MICALL1: variants seen among roughly 807,000 people sequenced by gnomAD.
MICALL1 encodes MICAL like 1, also known as MICAL-like protein 1.
Under a neutral mutation model 83.7 loss-of-function variants are expected in MICALL1, and 61 were observed. The ratio of observed to expected loss-of-function variants is 0.73; its 90% CI spans 0.59 to 0.90. The LOEUF (loss-of-function observed/expected upper bound fraction) is 0.90, where lower values mean the gene tolerates loss of function less well. MICALL1 is among the 40% of genes least tolerant of loss of function. The probability of loss-of-function intolerance (pLI) is 0.00; values close to 1 mark genes in which losing one functional copy is unlikely to be tolerated. For missense variants in MICALL1, 1,066 were observed against 1,152.0 expected (o/e 0.93, Z 1.08); for synonymous variants, 481 against 473.6 (o/e 1.02, Z -0.20).
chr22:37,914,951 T>A (rs1376110578), intron 3 of MICALL1, among the ~76,000 whole-genome samples: 1 of 146,210 alleles, frequency 6.8e-6, no homozygotes, highest in Non-Finnish European at 1.5e-5. Context: ...CATAAATAAA[T>A]AACTTTAGGA....
intron 3 of MICALL1, among the ~76,000 whole-genome samples, chr22:37,914,982 G>A (rs1023253968): frequency 3.3e-5 from 5 of 150,804 alleles, no homozygotes; most frequent in African/African-American, 4.9e-5. Context: ...AAATAGCCGG[G>A]TGAAGTGGCT....
At chr22:37,933,006 A>C in intron 12 of MICALL1, 33 bp from the exon 13 acceptor site, 1 of 1,613,880 alleles carries the variant, frequency 6.2e-7, no homozygotes, top group Non-Finnish European at 8.5e-7. Context: ...GCTCGGGCAG[A>C]ATTGTTAAGA....
At chr22:37,921,047 T>C (rs1415654501) in intron 5 of MICALL1, among the ~76,000 whole-genome samples, 1 of 151,946 alleles carries the variant, frequency 6.6e-6, no homozygotes, top group Non-Finnish European at 1.5e-5. Context: ...ATGACTGCAC[T>C]ACTGCACTCC....
At position 37,917,779 on chromosome 22, in the gene MICALL1, CAGA is replaced by C. The variant is rs766546954; in HGVS notation, c.414_416del (p.Glu138del). ...TCTGTAGCACCCACTCCAGTGGAAC[CAGA>C]AGATGTGGCTCAGGTAGGCAGATAC... is the stretch of plus-strand genomic sequence containing the variant. On this transcript the variant is annotated inframe_deletion, in exon 4 of 16. Transcript: ENST00000215957. 3 of 1,613,836 alleles carry C rather than the reference CAGA, an allele frequency of 1.9e-6. No individual in the cohort carries two copies. The highest frequency in any genetic ancestry group is 2.5e-6 in the Non-Finnish European group (3 of 1,179,844).
intron 3 of MICALL1, among the ~76,000 whole-genome samples, chr22:37,913,467 T>C (rs1928469681): frequency 6.6e-6 from 1 of 152,218 alleles, no homozygotes; most frequent in East Asian, 1.9e-4. Context: ...TCACTTCCTG[T>C]TTGCAGACAC....
intron 9 of MICALL1, among the ~76,000 whole-genome samples, chr22:37,929,426 AG>A (rs1929669327): frequency 1.3e-5 from 2 of 152,182 alleles, no homozygotes; most frequent in Admixed American, 1.3e-4. Flanking sequence ...TGTAGTGGGC[AG>A]GGGGTCAGCC....
intron 3 of MICALL1, among the ~76,000 whole-genome samples, chr22:37,914,171 C>CGGCCCT (rs1569136421): frequency 1.3e-5 from 2 of 151,720 alleles, no homozygotes; most frequent in East Asian, 1.9e-4. Flanking sequence ...CCACTGCGCC[C>CGGCCCT]GGCCCTGGCC....
At chr22:37,919,219 G>A (rs1359442751) in intron 5 of MICALL1, 41 bp downstream of exon 5, 2 of 1,476,996 alleles carry the variant, frequency 1.4e-6, no homozygotes, top group Non-Finnish European at 1.8e-6. Context: ...AAACCAGGGA[G>A]GGGGCTACCG....
intron 7 of MICALL1, among the ~76,000 whole-genome samples, chr22:37,925,030 T>C (rs1452680125): frequency 6.6e-6 from 1 of 152,100 alleles, no homozygotes; most frequent in Non-Finnish European, 1.5e-5. Context: ...ATAGAGTTGA[T>C]TTGAGGCTTA....
chr22:37,927,489 C>T lies in MICALL1; in HGVS notation c.1544C>T (p.Ser515Leu), dbSNP rs773196914. ...CCAGCGCTCAGCGTGGAGAGCCTGT[C>T]GTCTGAGAGCGCCAGCCAGACTGCA... ...PSPALSVESL[S>L]SESASQTAGA... Residue 515 changes from serine to leucine, a missense_variant, in exon 9 of 16, where the codon TCG becomes TTG. By Grantham distance (145) the Ser-to-Leu change is moderately radical (BLOSUM62 -2). Coordinates refer to ENST00000215957, the MANE Select transcript of MICALL1 (RefSeq NM_033386.4). The T allele has an allele frequency of 7.4e-5, 120 of 1,611,910 alleles. No individual in the cohort carries two copies. Among genetic ancestry groups the T allele is most frequent in the Admixed American group, 1.8e-4 (11 of 59,984 alleles).
chr22:37,926,340 T>C (rs1309285522), intron 8 of MICALL1, among the ~76,000 whole-genome samples: 1 of 152,162 alleles, frequency 6.6e-6, no homozygotes, highest in East Asian at 1.9e-4. Flanking sequence ...TCACCCTCCC[T>C]GTCGTGCTCG....
chr22:37,920,717 C>G (rs903334371), intron 5 of MICALL1, among the ~76,000 whole-genome samples: 1 of 151,766 alleles, frequency 6.6e-6, no homozygotes, highest in African/African-American at 2.4e-5. Flanking sequence ...GTCAGGAGAT[C>G]GAAGCCATCC....
In MICALL1 at chr22:37,930,420, C is replaced by T. The variant is rs1929725995; in HGVS notation, c.1882-1379C>T. Among the ~76,000 whole-genome samples, 1 of 152,178 alleles carries T rather than the reference C, an allele frequency of 6.6e-6. No individual in the cohort carries two copies. The highest frequency in any genetic ancestry group is 1.5e-5 in the Non-Finnish European group (1 of 68,022). ...GTGCCCAGACCTGGGCCCCAGCACCCTCCCTGCTTCAGAAACCCCAGAGCA... is the reference window on the plus strand; with the variant it reads ...GTGCCCAGACCTGGGCCCCAGCACCTTCCCTGCTTCAGAAACCCCAGAGCA... On this transcript the variant is annotated intron_variant, in intron 9 of 15. Coordinates refer to ENST00000215957, the MANE Select transcript of MICALL1 (RefSeq NM_033386.4). This position sits in a 1 kb window ranked among gnomAD's most constrained non-coding sequence, Gnocchi z 4.8.
chr22:37,933,150 TG>T (rs1929894390), intron 13 of MICALL1, 38 bp downstream of exon 13: 1 of 1,592,006 alleles, frequency 6.3e-7, no homozygotes, highest in Non-Finnish European at 8.6e-7. Flanking sequence ...GCACCTGCCC[TG>T]GGGCCTGGTG....
intron 3 of MICALL1, among the ~76,000 whole-genome samples, chr22:37,915,062 A>G (rs566370996): frequency 1.8e-4 from 27 of 152,222 alleles, no homozygotes; most frequent in Admixed American, 1.6e-3. Flanking sequence ...ACTGGGCAAC[A>G]TAGCAAGAAC....
In MICALL1 at chr22:37,934,810, A is replaced by G. The variant is rs1305708194; in HGVS notation, c.2308+1698A>G. 5.3e-5 allele frequency among the ~76,000 whole-genome samples: 8 copies of G among 150,690 alleles called. No individual in the cohort carries two copies. The East Asian group carries it at 1.4e-3, about 26-fold the overall frequency. ...ACCAGGTTTCACCATGTTAGCCAGG[A>G]TGGTCTCGATCTCCTGACCTTGTGA... is the stretch of plus-strand genomic sequence containing the variant. On this transcript the variant is annotated intron_variant, in intron 13 of 15. Transcript: ENST00000215957.
chr22:37,922,472 C>A, intron 6 of MICALL1, 46 bp downstream of exon 6: 1 of 1,400,708 alleles, frequency 7.1e-7, no homozygotes, highest in Non-Finnish European at 9.5e-7. Context: ...TGGCAGTGCA[C>A]TGTCTATTGA....
In MICALL1 at chr22:37,912,509, G is replaced by A. The variant is rs759646255; in HGVS notation, c.337+17G>A. The A allele has an allele frequency of 4.4e-6, 7 of 1,580,122 alleles. No homozygotes were observed. The highest frequency in any genetic ancestry group is 6.1e-6 in the Non-Finnish European group (7 of 1,156,200). On this transcript the variant is annotated intron_variant, in intron 3 of 15. Transcript: ENST00000215957. ...CTGGCCAAGGTGAGAGGGGGACTCA[G>A]CGTTTCACGGAGGCTGGCCCAGGGG... is the stretch of plus-strand genomic sequence containing the variant.
In MICALL1 at chr22:37,906,506, C is replaced by T; in HGVS notation, c.84C>T (p.Ser28=). 1 of 1,255,786 alleles carries T rather than the reference C, an allele frequency of 8.0e-7. No homozygotes were observed. Among genetic ancestry groups the T allele is most frequent in the Non-Finnish European group, 1.0e-6 (1 of 988,526 alleles). The allele number at this position is 1,255,786 out of a possible 1,614,324, so 77.8% of individuals were successfully genotyped here. ...GCGGCGTGGAGATCCGCGACCTGAG[C>T]AGCTCCTTCCGGGACGGCCTGGCCT... ...GYRGVEIRDL[S]SSFRDGLAFC... Residue 28 remains serine, a synonymous_variant, in exon 1 of 16, where the codon AGC becomes AGT. Transcript: ENST00000215957. The surrounding 1 kb of genome is among the most constrained non-coding windows in gnomAD (Gnocchi z 4.4).
Sources: allele counts gnomAD v4.1 joint callset (sites outside exome capture counted in the v4.1 genomes callset), GRCh38; gene constraint gnomAD v4.1.1; non-coding constraint Gnocchi (gnomAD v3.1); transcripts MANE v1.5; gene names NCBI Gene and HGNC (gene_info 2026-07-23, HGNC 2026-07-21).